Variants in BMPR1B observed in about 807,000 individuals in gnomAD.
The protein encoded by BMPR1B is bone morphogenetic protein receptor type 1B.
BMPR1B carries 12 observed loss-of-function variants against 59.1 expected under a neutral mutation model. That is an observed-to-expected ratio of 0.20 (90% CI 0.13 to 0.33). The LOEUF is 0.33. Among genes scored for constraint, BMPR1B ranks in the 10% least tolerant of loss-of-function variants. BMPR1B has a pLI of 1.00. For missense variants in BMPR1B, 550 were observed against 610.9 expected, an observed-to-expected ratio of 0.90 and a Z score of 1.05; for synonymous variants, 237 against 207.3, an observed-to-expected ratio of 1.14 and a Z score of -1.23.
intron 8 of BMPR1B, 124 bp downstream of exon 8, chr4:95,125,245 A>T (rs906165253): frequency 1.6e-6 from 2 of 1,257,236 alleles, no homozygotes; most frequent in African/African-American, 3.0e-5. Flanking sequence ...AGTCTGTTGG[A>T]CATCCGATCT....
intron 3 of BMPR1B, among the ~76,000 whole-genome samples, chr4:95,088,400 T>C (rs1156296255): frequency 1.3e-5 from 2 of 152,006 alleles, no homozygotes; most frequent in African/African-American, 2.4e-5. Flanking sequence ...AAGGCTTTTT[T>C]CCTCCTTTAT....
intron 3 of BMPR1B, among the ~76,000 whole-genome samples, chr4:95,058,136 A>T (rs894420032): frequency 6.6e-6 from 1 of 152,216 alleles, no homozygotes; most frequent in Non-Finnish European, 1.5e-5. Context: ...GTTGCAAACT[A>T]TATGTCTCAT....
intron 2 of BMPR1B, among the ~76,000 whole-genome samples, chr4:94,930,120 A>G (rs1729041010): frequency 6.6e-6 from 1 of 152,100 alleles, no homozygotes; most frequent in African/African-American, 2.4e-5. Flanking sequence ...ACTATCTCTT[A>G]ACTGGTTTCC....
intron 1 of BMPR1B, among the ~76,000 whole-genome samples, chr4:94,819,838 G>T (rs1724142126): frequency 6.6e-6 from 1 of 152,170 alleles, no homozygotes; most frequent in Admixed American, 6.6e-5. Context: ...TAGTACCTTC[G>T]TAGTGGAACA....
chr4:95,087,147 C>T (rs571259933), intron 3 of BMPR1B, among the ~76,000 whole-genome samples: 10 of 152,014 alleles, frequency 6.6e-5, no homozygotes, highest in African/African-American at 2.2e-4. Flanking sequence ...CCTGCCTCAG[C>T]CTCTCTAGTA....
Position 95,148,905 on chromosome 4 carries a change from A to T in BMPR1B, c.1234A>T (p.Arg412Trp). 1.2e-6 allele frequency: 2 copies of T among 1,613,992 alleles called. No individual in the cohort carries two copies. Among genetic ancestry groups the T allele is most frequent in the Non-Finnish European group, 1.7e-6 (2 of 1,179,900 alleles). ...SFGLILWEVA[R>W]RCVSGGIVEE... ...TGGCCTCATCCTTTGGGAGGTTGCT[A>T]GGAGATGTGTATCAGGAGGTAAGAA... Residue 412 changes from arginine (R) to tryptophan (W), a missense_variant, in exon 11 of 13, where the codon AGG becomes TGG. This residue lies in a region of BMPR1B where 123 missense variants were observed against 164.6 expected (regional missense o/e 0.75). Transcript: ENST00000515059.
At chr4:94,777,132 G>A (rs1036349920) in intron 1 of BMPR1B, among the ~76,000 whole-genome samples, 1 of 151,892 alleles carries the variant, frequency 6.6e-6, no homozygotes, top group African/African-American at 2.4e-5. Context: ...ATATTTATAT[G>A]AAAGCTTTTA....
intron 3 of BMPR1B, among the ~76,000 whole-genome samples, chr4:95,087,631 C>T (rs1729683630): frequency 2.0e-5 from 3 of 152,182 alleles, no homozygotes; most frequent in Admixed American, 2.0e-4. Flanking sequence ...CTAAGGGAAG[C>T]TGAGGTGGGA....
At chr4:95,031,541 C>T (rs890424536) in intron 3 of BMPR1B, among the ~76,000 whole-genome samples, 2 of 151,988 alleles carry the variant, frequency 1.3e-5, no homozygotes, top group Non-Finnish European at 2.9e-5. Flanking sequence ...GTACTATAGC[C>T]TTGAACTCCT....
chr4:95,153,150 T>C (rs1365760433), intron 12 of BMPR1B, among the ~76,000 whole-genome samples: 1 of 152,156 alleles, frequency 6.6e-6, no homozygotes, highest in African/African-American at 2.4e-5. Flanking sequence ...CCATTTTGAT[T>C]AGAGAAAAAA....
intron 2 of BMPR1B, among the ~76,000 whole-genome samples, chr4:94,977,621 G>A (rs1731079577): frequency 6.6e-6 from 1 of 152,062 alleles, no homozygotes; most frequent in Admixed American, 6.6e-5. Flanking sequence ...CACTTTGGGA[G>A]GCCGAGGCGG....
At chr4:94,991,359 CAA>C (rs1721748205) in intron 2 of BMPR1B, among the ~76,000 whole-genome samples, 1 of 152,136 alleles carries the variant, frequency 6.6e-6, no homozygotes, top group African/African-American at 2.4e-5. Context: ...ATTTATCTAA[CAA>C]ATATTTATTG....
chr4:95,135,223 C>G (rs1579139132), intron 10 of BMPR1B, among the ~76,000 whole-genome samples: 1 of 152,122 alleles, frequency 6.6e-6, no homozygotes, highest in African/African-American at 2.4e-5. Flanking sequence ...TGGTCTATAT[C>G]TCTGTTTTGG....
In BMPR1B at chr4:95,104,395, TTTC is replaced by T; in HGVS notation, c.-17-7_-17-5del. On this transcript the variant is annotated splice_polypyrimidine_tract_variant and intron_variant, in intron 3 of 12. Coordinates refer to ENST00000515059, the MANE Select transcript of BMPR1B (RefSeq NM_001203.3). ...CCCCACAGATGCCTAACTCTCACTATTTCTTCTTTCAGCAAACTTCCTTGATAA... is the reference window on the plus strand; with the variant it reads ...CCCCACAGATGCCTAACTCTCACTATTTCTTTCAGCAAACTTCCTTGATAA... 6.2e-7 allele frequency: 1 copy of T among 1,612,568 alleles called. No homozygotes were observed. The highest frequency in any genetic ancestry group is 8.5e-7 in the Non-Finnish European group (1 of 1,179,132).
At chr4:95,075,481 C>G (rs1057381429) in intron 3 of BMPR1B, among the ~76,000 whole-genome samples, 1 of 152,198 alleles carries the variant, frequency 6.6e-6, no homozygotes, top group Middle Eastern at 3.4e-3. Context: ...GAATATAATC[C>G]TGTATCATTT....
intron 3 of BMPR1B, among the ~76,000 whole-genome samples, chr4:95,011,510 G>A (rs1723227475): frequency 6.6e-6 from 1 of 152,128 alleles, no homozygotes; most frequent in Non-Finnish European, 1.5e-5. Context: ...CGCTCTAGCT[G>A]TCATGTCTAA....
chr4:94,916,914 C>A (rs1025216518), intron 2 of BMPR1B, among the ~76,000 whole-genome samples: 1 of 152,202 alleles, frequency 6.6e-6, no homozygotes, highest in African/African-American at 2.4e-5. Flanking sequence ...CAGGGACCTG[C>A]TGCCCTGTGC....
chr4:95,031,317 G>T (rs1200021305), intron 3 of BMPR1B, among the ~76,000 whole-genome samples: 1 of 152,158 alleles, frequency 6.6e-6, no homozygotes, highest in Non-Finnish European at 1.5e-5. Context: ...CATTAGAGAG[G>T]AATGTGATCG....
chr4:94,899,288 T>TAAAAAAGAG (rs1727709577), intron 2 of BMPR1B, among the ~76,000 whole-genome samples: 1 of 151,908 alleles, frequency 6.6e-6, no homozygotes, highest in African/African-American at 2.4e-5. Context: ...CACAAACTCT[T>TAAAAAAGAG]TTTTAAAATA....
Sources: gnomAD v4.1 joint callset for allele counts (sites outside exome capture counted in the v4.1 genomes callset) on GRCh38, gnomAD v4.1.1 for gene constraint, gnomAD v4.1.1 regional missense constraint, MANE v1.5 for transcripts, NCBI Gene and HGNC (gene_info 2026-07-23, HGNC 2026-07-21) for gene names.